The following NEDD4 variants were observed in gnomAD, a reference collection of about 807,000 sequenced individuals.
The protein encoded by NEDD4 is NEDD4 E3 ubiquitin protein ligase.
Under a neutral mutation model 144.9 loss-of-function variants are expected in NEDD4, and 99 were observed. The ratio of observed to expected loss-of-function variants is 0.68; its 90% CI spans 0.58 to 0.81. NEDD4 has a LOEUF of 0.81. Ranked by LOEUF, NEDD4 falls within the 30% of genes least tolerant of loss-of-function variation. The probability of loss-of-function intolerance (pLI) is 0.00; values close to 1 mark genes in which losing one functional copy is unlikely to be tolerated. For synonymous variants in NEDD4, 318 were observed against 350.6 expected, an observed-to-expected ratio of 0.91 and a Z score of 1.04; for missense variants, 985 against 1,065.9, an observed-to-expected ratio of 0.92 and a Z score of 1.06.
intron 9 of NEDD4, among the ~76,000 whole-genome samples, chr15:55,861,787 G>T (rs1219226312): frequency 6.6e-6 from 1 of 151,960 alleles, no homozygotes; most frequent in Non-Finnish European, 1.5e-5. Context: ...CAAGAATTTT[G>T]TTCAAATATT....
intron 5 of NEDD4, among the ~76,000 whole-genome samples, chr15:55,914,200 G>GT (rs71110354): frequency 0.26 from 39,108 of 148,096 alleles, 5,278 homozygotes; most frequent in Admixed American, 0.31. Context: ...TTATCCAGAA[G>GT]TTTTTTTTTT....
At chr15:55,869,853 G>A (rs2034713947) in intron 7 of NEDD4, among the ~76,000 whole-genome samples, 172 bp from the exon 8 acceptor site, 1 of 96,678 alleles carries the variant, frequency 1.0e-5, no homozygotes, top group African/African-American at 3.8e-5. Context: ...TAGAGAAAAG[G>A]CAAACATATA....
chr15:55,912,054 G>T (rs1338460692), intron 5 of NEDD4, among the ~76,000 whole-genome samples: 1 of 152,126 alleles, frequency 6.6e-6, no homozygotes, highest in African/African-American at 2.4e-5. Context: ...CAATTCCTCA[G>T]TTCTAAGAAA....
intron 19 of NEDD4, among the ~76,000 whole-genome samples, chr15:55,841,589 T>C (rs1025846644): frequency 1.3e-5 from 2 of 152,106 alleles, no homozygotes; most frequent in South Asian, 2.1e-4. Context: ...GCTAAAATGG[T>C]AACTTTTTTT....
chr15:55,916,868 CA>C (rs1271885696), intron 5 of NEDD4: 10 of 1,550,382 alleles, frequency 6.5e-6, no homozygotes, highest in African/African-American at 1.4e-5. Flanking sequence ...GGCTGAAAGT[CA>C]TAACAAAGAT....
chr15:55,884,576 G>C (rs1298224232), intron 5 of NEDD4, among the ~76,000 whole-genome samples: 1 of 152,026 alleles, frequency 6.6e-6, no homozygotes, highest in Non-Finnish European at 1.5e-5. Context: ...TCAGAATCCT[G>C]TCAGATAAAT....
At position 55,838,509 on chromosome 15, in the gene NEDD4, C is replaced by A; in HGVS notation, c.2127G>T (p.Gln709His). 6.2e-7 allele frequency: 1 copy of A among 1,607,040 alleles called. No individual in the cohort carries two copies. The highest frequency in any genetic ancestry group is 1.7e-4 in the Middle Eastern group (1 of 6,046). The change falls in exon 22 of 29, where the codon CAG becomes CAT. Residue 709 changes from glutamine to histidine, a missense_variant and splice_region_variant. Gln to His is a conservative substitution (Grantham distance 24). Transcript: ENST00000435532. Reference protein sequence around the residue: ...RFIIDEELFGQTHQHELKNGG... With the variant: ...RFIIDEELFGHTHQHELKNGG... ...TTTTAACTGATCAAAATTCACAAAC[C>A]TGTCCAAAAAGTTCTTCATCTATGA...
chr15:55,857,051 C>T (rs2034223667), intron 11 of NEDD4, among the ~76,000 whole-genome samples: 4 of 152,070 alleles, frequency 2.6e-5, no homozygotes, highest in African/African-American at 7.2e-5. Flanking sequence ...TAAAGGAGTA[C>T]ATCTATCTGT....
At chr15:55,882,600 A>C (rs2035234081) in intron 5 of NEDD4, among the ~76,000 whole-genome samples, 1 of 152,198 alleles carries the variant, frequency 6.6e-6, no homozygotes, top group South Asian at 2.1e-4. Flanking sequence ...TTAGGCCACA[A>C]GGACTGCAAT....
chr15:55,897,255 G>T (rs533807343), intron 5 of NEDD4, among the ~76,000 whole-genome samples: 4 of 152,308 alleles, frequency 2.6e-5, no homozygotes, highest in Admixed American at 1.3e-4. Flanking sequence ...TTACAGGCGT[G>T]AGCCACTGCG....
intron 2 of NEDD4, among the ~76,000 whole-genome samples, chr15:55,962,324 C>T (rs117175563): frequency 0.026 from 3,919 of 152,226 alleles, 80 homozygotes; most frequent in Non-Finnish European, 0.039. Flanking sequence ...TTTAATTTAT[C>T]CTAACAACAT....
At chr15:55,979,339 C>CTTTTTTTTTT (rs71110358) in intron 1 of NEDD4, among the ~76,000 whole-genome samples, 1 of 66,048 alleles carries the variant, frequency 1.5e-5, no homozygotes, top group African/African-American at 6.2e-5. Flanking sequence ...GTTTTTACCT[C>CTTTTTTTTTT]TTTTTTTTTT....
At chr15:55,860,907 G>T in intron 9 of NEDD4, 129 bp from the exon 10 acceptor site, 2 of 761,174 alleles carry the variant, frequency 2.6e-6, no homozygotes, top group Non-Finnish European at 4.3e-6. Context: ...TTGACCAAAG[G>T]CTATTTCAAC....
intron 5 of NEDD4, chr15:55,916,616 T>C (rs191914819): frequency 1.9e-6 from 3 of 1,614,056 alleles, no homozygotes; most frequent in East Asian, 2.2e-5. Context: ...AGGGAACAGA[T>C]GATCTTTCTT....
chr15:55,945,536 G>C (rs1822564301), intron 4 of NEDD4, among the ~76,000 whole-genome samples: 1 of 152,118 alleles, frequency 6.6e-6, no homozygotes, highest in South Asian at 2.1e-4. Context: ...CTCTATGTTT[G>C]GTGTAGCTGA....
chr15:55,948,172 G>A (rs1422012286), intron 4 of NEDD4, among the ~76,000 whole-genome samples: 10 of 152,152 alleles, frequency 6.6e-5, no homozygotes, highest in African/African-American at 1.7e-4. Context: ...CAAACAGAGA[G>A]CCAAATCATG....
intron 12 of NEDD4, among the ~76,000 whole-genome samples, 200 bp from the exon 13 acceptor site, chr15:55,852,743 T>TGAGAGAGA (rs150677409): frequency 7.2e-6 from 1 of 139,498 alleles, no homozygotes; most frequent in East Asian, 2.0e-4. Context: ...TCTGAGAGAG[T>TGAGAGAGA]GAGAGAGAGA....
At chr15:55,914,525 A>G (rs2036373002) in intron 5 of NEDD4, among the ~76,000 whole-genome samples, 1 of 152,010 alleles carries the variant, frequency 6.6e-6, no homozygotes, top group African/African-American at 2.4e-5. Context: ...GTAAATGCCT[A>G]GCAATTTAAA....
chr15:55,894,717 T>G (rs1202031178), intron 5 of NEDD4, among the ~76,000 whole-genome samples: 1 of 152,202 alleles, frequency 6.6e-6, no homozygotes, highest in Non-Finnish European at 1.5e-5. Flanking sequence ...CAAGTTTATC[T>G]TTACATGCTC....
Sources: allele counts gnomAD v4.1 joint callset (sites outside exome capture counted in the v4.1 genomes callset), GRCh38; gene constraint gnomAD v4.1.1; transcripts MANE v1.5; gene names NCBI Gene and HGNC (gene_info 2026-07-23, HGNC 2026-07-21).